Variants in ZNF133 observed in about 807,000 individuals in gnomAD.
The protein encoded by ZNF133 is zinc finger protein 133 (clone pHZ-13).
A neutral mutation model predicts 54.9 loss-of-function variants in ZNF133; 26 were observed. That is an observed-to-expected ratio of 0.47 (90% CI 0.35 to 0.66). ZNF133 has a LOEUF of 0.66. ZNF133 is among the 30% of genes least tolerant of loss of function. The pLI, the probability that ZNF133 is intolerant of heterozygous loss-of-function variation, is 0.01. For synonymous variants in ZNF133, 298 were observed against 320.3 expected, an observed-to-expected ratio of 0.93 and a Z score of 0.74; for missense variants, 653 against 820.8, an observed-to-expected ratio of 0.80 and a Z score of 2.50.
chr20:18,316,266 G>A lies in ZNF133; in HGVS notation c.1415G>A (p.Gly472Asp). 1.2e-6 allele frequency: 2 copies of A among 1,611,574 alleles called. No individual in the cohort carries two copies. Among genetic ancestry groups the A allele is most frequent in the South Asian group, 2.2e-5 (2 of 90,640 alleles). Residue 472 changes from glycine to aspartate, a missense_variant, in exon 7 of 7, where the codon GGC becomes GAC. Physicochemically the swap from Gly to Asp is moderately conservative, Grantham distance 94. This residue lies in a region of ZNF133 where 292 missense variants were observed against 431.6 expected (regional missense o/e 0.68). Transcript: ENST00000425686. ...AAGCCCATTGTGTGCAAGGACTGTG[G>A]CCGGGGCTTCAGCCAGCAATCCAAC... ...GEKPIVCKDC[G>D]RGFSQQSNLI...
intron 3 of ZNF133, among the ~76,000 whole-genome samples, chr20:18,300,776 A>G (rs547701827): frequency 1.4e-4 from 21 of 152,228 alleles, no homozygotes; most frequent in African/African-American, 4.8e-4. Flanking sequence ...GAAATTATAC[A>G]CATATACCTC....
At chr20:18,294,802 T>C (rs553053950) in intron 1 of ZNF133, among the ~76,000 whole-genome samples, 1 of 152,366 alleles carries the variant, frequency 6.6e-6, no homozygotes, top group East Asian at 1.9e-4. Context: ...AGTCTTGCAA[T>C]CCTGGGTAAA....
intron 3 of ZNF133, among the ~76,000 whole-genome samples, chr20:18,301,296 T>G (rs966913051): frequency 3.3e-5 from 5 of 152,176 alleles, no homozygotes; most frequent in African/African-American, 9.6e-5. Flanking sequence ...AGGAAATTTT[T>G]AGCTGAAATA....
chr20:18,308,695 G>GCT (rs1555826354), intron 6 of ZNF133, among the ~76,000 whole-genome samples: 1 of 152,154 alleles, frequency 6.6e-6, no homozygotes, highest in Admixed American at 6.5e-5. Flanking sequence ...TCATTTGGGT[G>GCT]TTTTGCTTTT....
Position 18,305,577 on chromosome 20 carries a change from T to C in ZNF133, c.-6-104T>C. 6.5e-7 allele frequency: 1 copy of C among 1,544,842 alleles called. No homozygotes were observed. The highest frequency in any genetic ancestry group is 1.2e-5 in the South Asian group (1 of 86,464). On this transcript the variant is annotated intron_variant, in intron 4 of 6. Coordinates refer to ENST00000425686, the MANE Select transcript of ZNF133 (RefSeq NM_001352452.2). This position sits in a 1 kb window ranked among gnomAD's most constrained non-coding sequence, Gnocchi z 4.7. ...ACATGGCACCAGGGTCACTGGGATC[T>C]TGATATCTCACCTGCCTCCCCCAGG...
At chr20:18,307,197 A>G (rs1316183983) in intron 6 of ZNF133, among the ~76,000 whole-genome samples, 1 of 152,178 alleles carries the variant, frequency 6.6e-6, no homozygotes, top group Non-Finnish European at 1.5e-5. Flanking sequence ...AATAGTCTTT[A>G]ACTTATCCAG....
At chr20:18,289,422 C>A (rs1240661289) in intron 1 of ZNF133, among the ~76,000 whole-genome samples, 1 of 152,158 alleles carries the variant, frequency 6.6e-6, no homozygotes, top group Non-Finnish European at 1.5e-5. Flanking sequence ...GACCAGATCT[C>A]CATCACCCAG....
At position 18,305,542 on chromosome 20, in the gene ZNF133, G is replaced by A; in HGVS notation, c.-6-139G>A. The A allele has an allele frequency of 7.9e-7, 1 of 1,261,738 alleles. No homozygotes were observed. Among genetic ancestry groups the A allele is most frequent in the South Asian group, 1.4e-5 (1 of 72,142 alleles). The allele number at this position is 1,261,738 out of a possible 1,614,324, so 78.2% of individuals were successfully genotyped here. On this transcript the variant is annotated intron_variant, in intron 4 of 6. Transcript: ENST00000425686. This position sits in a 1 kb window ranked among gnomAD's most constrained non-coding sequence, Gnocchi z 4.7. The stretch of plus-strand genomic sequence containing the variant: ...GCTGGATTGAGACAGGGATTTAAAA[G>A]TCTTGGAACACATGGCACCAGGGTC...
chr20:18,299,622 C>T (rs941347968), intron 3 of ZNF133, among the ~76,000 whole-genome samples: 1 of 152,104 alleles, frequency 6.6e-6, no homozygotes, highest in Admixed American at 6.5e-5. Flanking sequence ...CTCAAAAGGA[C>T]TCACACTGAG....
intron 3 of ZNF133, among the ~76,000 whole-genome samples, chr20:18,301,114 A>T (rs534475843): frequency 6.6e-6 from 1 of 152,306 alleles, no homozygotes; most frequent in Admixed American, 6.5e-5. Context: ...GAAGATTGAA[A>T]CCAATAACTG....
chr20:18,293,215 G>A (rs1416180696), intron 1 of ZNF133, among the ~76,000 whole-genome samples: 2 of 152,258 alleles, frequency 1.3e-5, no homozygotes, highest in Admixed American at 1.3e-4. Flanking sequence ...TTTACCCAAA[G>A]CGGATGTGAT....
At position 18,305,189 on chromosome 20, in the gene ZNF133, T is replaced by G; in HGVS notation, c.-7+11T>G. ...TTCTACATTTCACAGGTAAGAAAAC[T>G]GGGATACTAGTTGGTGGCAGAGGTG... On this transcript the variant is annotated intron_variant, in intron 4 of 6. Transcript: ENST00000425686. This position sits in a 1 kb window ranked among gnomAD's most constrained non-coding sequence, Gnocchi z 4.7. 1.0e-6 allele frequency: 1 copy of G among 989,938 alleles called. No individual in the cohort carries two copies. The allele number at this position is 989,938 out of a possible 1,614,324, so 61.3% of individuals were successfully genotyped here. A position where few individuals can be genotyped will look rare whatever the true frequency, so the allele number is the denominator to read the frequency against.
At position 18,315,454 on chromosome 20, in the gene ZNF133, ATTG is replaced by A; in HGVS notation, c.607_609del (p.Leu203del). ...CAGGGAACCCTGAGGAAACAGACAAATTGTTGAAGAGGATAGAAGTCTTAGGAT... is the reference window on the plus strand; with the variant it reads ...CAGGGAACCCTGAGGAAACAGACAAATTGAAGAGGATAGAAGTCTTAGGAT... On this transcript the variant is annotated inframe_deletion, in exon 7 of 7. Transcript: ENST00000425686. 6.2e-7 allele frequency: 1 copy of A among 1,614,194 alleles called. No homozygotes were observed. Among genetic ancestry groups the A allele is most frequent in the Non-Finnish European group, 8.5e-7 (1 of 1,180,044 alleles).
At chr20:18,298,265 T>TA in intron 2 of ZNF133, 24 bp from the exon 3 acceptor site, 1 of 1,400,264 alleles carries the variant, frequency 7.1e-7, no homozygotes, top group Non-Finnish European at 9.3e-7. Flanking sequence ...CAGTATGAGA[T>TA]AGAGTCTGCA....
At position 18,316,723 on chromosome 20, in the gene ZNF133, C is replaced by T. The variant is rs377589150; in HGVS notation, c.1872C>T (p.His624=). The change falls in exon 7 of 7, where the codon CAC becomes CAT. Residue 624 remains histidine (H), a synonymous_variant. Transcript: ENST00000425686. Reference sequence around the variant, plus strand: ...GCCTCAAGTCTCACCTCAGCAGACACAGGAAGACCACGTCTGTCCACCACA... The same window carrying T: ...GCCTCAAGTCTCACCTCAGCAGACATAGGAAGACCACGTCTGTCCACCACA... The part of the protein sequence containing the change: ...GFSLKSHLSR[H]RKTTSVHHRL... 4.3e-6 allele frequency: 7 copies of T among 1,614,126 alleles called. No homozygotes were observed. Among genetic ancestry groups the T allele is most frequent in the Non-Finnish European group, 5.9e-6 (7 of 1,179,938 alleles).
At chr20:18,298,104 AC>A in intron 2 of ZNF133, 42 bp downstream of exon 2, 1 of 1,535,214 alleles carries the variant, frequency 6.5e-7, no homozygotes, top group South Asian at 1.2e-5. Context: ...AACAGGATGG[AC>A]ACATTCCCTT....
intron 6 of ZNF133, among the ~76,000 whole-genome samples, chr20:18,310,956 G>T (rs1462349564): frequency 1.3e-5 from 2 of 152,148 alleles, no homozygotes; most frequent in Non-Finnish European, 2.9e-5. Context: ...CCCTCCTGAA[G>T]TGACTAATCC....
In ZNF133 at chr20:18,294,484, G is replaced by C. The variant is rs150693040; in HGVS notation, c.-431-3501G>C. Among the ~76,000 whole-genome samples, 131 of 152,290 alleles carry C rather than the reference G, an allele frequency of 8.6e-4. 1 individual carries two copies. In the Middle Eastern group the frequency reaches 0.01, roughly 12 times the overall value. On this transcript the variant is annotated intron_variant, in intron 1 of 6. Transcript: ENST00000425686. ...ATTAAAGTCTGTAGTTTATAGTATT[G>C]TGTCAATGTTAATTTCCTGCTTTTG...
chr20:18,298,819 A>G (rs372986613), intron 3 of ZNF133, among the ~76,000 whole-genome samples: 11 of 152,294 alleles, frequency 7.2e-5, no homozygotes, highest in East Asian at 3.9e-4. Context: ...GAGGACTAGT[A>G]TATTGAAAAG....
Sources: gnomAD v4.1 joint callset for allele counts (sites outside exome capture counted in the v4.1 genomes callset) on GRCh38, gnomAD v4.1.1 for gene constraint, gnomAD v4.1.1 regional missense constraint, Gnocchi (gnomAD v3.1) non-coding constraint, MANE v1.5 for transcripts, NCBI Gene and HGNC (gene_info 2026-07-23, HGNC 2026-07-21) for gene names.